PLEKHA5: variants seen among roughly 807,000 people sequenced by gnomAD.
PLEKHA5 encodes pleckstrin homology domain containing A5, also known as pleckstrin homology domain-containing family A member 5.
A neutral mutation model predicts 181.9 loss-of-function variants in PLEKHA5; 55 were observed. The observed-to-expected ratio is 0.30, with a 90% CI of 0.24 to 0.38. The LOEUF (loss-of-function observed/expected upper bound fraction) is 0.38. PLEKHA5 is among the 10% of genes least tolerant of loss of function. The probability of loss-of-function intolerance (pLI) is 1.00; values close to 1 mark genes in which losing one functional copy is unlikely to be tolerated. For synonymous variants in PLEKHA5, 535 were observed against 529.4 expected (o/e 1.01, Z -0.15); for missense variants, 1,432 against 1,549.5 (o/e 0.92, Z 1.27).
intron 3 of PLEKHA5, among the ~76,000 whole-genome samples, chr12:19,185,611 CT>C (rs2049660226): frequency 6.6e-6 from 1 of 152,146 alleles, no homozygotes; most frequent in African/African-American, 2.4e-5. Context: ...TACTCCTGAA[CT>C]TTTAAATTAA....
chr12:19,273,055 C>G (rs986062016), intron 10 of PLEKHA5, among the ~76,000 whole-genome samples: 61 of 37,130 alleles, frequency 1.6e-3, no homozygotes, highest in Non-Finnish European at 4.8e-3. Flanking sequence ...TACAGATGTC[C>G]TCCACCAAGC....
intron 3 of PLEKHA5, among the ~76,000 whole-genome samples, chr12:19,226,606 T>C (rs2059729656): frequency 6.6e-6 from 1 of 152,180 alleles, no homozygotes; most frequent in Non-Finnish European, 1.5e-5. Flanking sequence ...CCAAATTAAA[T>C]TGTGAACAAT....
At position 19,245,651 on chromosome 12, in the gene PLEKHA5, C is replaced by T. The variant is rs903348401; in HGVS notation, c.228-8289C>T. Among the ~76,000 whole-genome samples, 3 of 147,038 alleles carry T rather than the reference C, an allele frequency of 2.0e-5. No individual in the cohort carries two copies. The Admixed American group carries it at 2.1e-4, about 10-fold the overall frequency. Reference sequence around the variant, plus strand: ...GCTGAGGCAGGAGAATAGCTTGAACCCGGAGACAGAGCTTGCAGTGAGCCG... The same window carrying T: ...GCTGAGGCAGGAGAATAGCTTGAACTCGGAGACAGAGCTTGCAGTGAGCCG... On this transcript the variant is annotated intron_variant, in intron 3 of 31. Transcript: ENST00000429027.
intron 3 of PLEKHA5, among the ~76,000 whole-genome samples, chr12:19,145,873 A>G (rs1319765520): frequency 1.3e-5 from 2 of 152,212 alleles, no homozygotes; most frequent in Non-Finnish European, 2.9e-5. Flanking sequence ...CCCCGTAAGT[A>G]GAGTTCAAAA....
chr12:19,254,107 T>C lies in PLEKHA5; in HGVS notation c.311+84T>C, dbSNP rs368952435. 30 of 811,470 alleles carry C rather than the reference T, an allele frequency of 3.7e-5. 1 individual carries two copies. Among genetic ancestry groups the C allele is most frequent in the South Asian group, 3.3e-4 (21 of 64,096 alleles). 50.3% of individuals were successfully genotyped at this position (811,470 alleles called of 1,614,324 possible). ...TGTTATTTATATTTCAATTTAGCAG[T>C]TTTCTTATCTGGACATTTGTAGTCA... On this transcript the variant is annotated intron_variant, in intron 4 of 31. Coordinates refer to ENST00000429027, the MANE Select transcript of PLEKHA5 (RefSeq NM_001256470.2).
At chr12:19,222,459 G>T (rs190149168) in intron 3 of PLEKHA5, among the ~76,000 whole-genome samples, 90 of 152,084 alleles carry the variant, frequency 5.9e-4, no homozygotes, top group Non-Finnish European at 1.1e-3. Context: ...ACATGCGGAC[G>T]CCTCACACTC....
At chr12:19,307,128 A>C in intron 15 of PLEKHA5, 1 of 862,008 alleles carries the variant, frequency 1.2e-6, no homozygotes, top group South Asian at 1.3e-5. Flanking sequence ...TGAAGCATGT[A>C]GCTGCTGGTC....
At chr12:19,161,358 AT>A (rs1372962024) in intron 3 of PLEKHA5, among the ~76,000 whole-genome samples, 1 of 152,148 alleles carries the variant, frequency 6.6e-6, no homozygotes, top group Non-Finnish European at 1.5e-5. Flanking sequence ...ACTTCAGTGA[AT>A]GTCATAAAAC....
At chr12:19,363,417 T>G (rs2095324874) in intron 29 of PLEKHA5, among the ~76,000 whole-genome samples, 1 of 151,990 alleles carries the variant, frequency 6.6e-6, no homozygotes, top group Non-Finnish European at 1.5e-5. Flanking sequence ...TCAGCCCGCC[T>G]TGGCCTCCCA....
At chr12:19,167,947 A>G (rs1245276161) in intron 3 of PLEKHA5, among the ~76,000 whole-genome samples, 1 of 152,068 alleles carries the variant, frequency 6.6e-6, no homozygotes. Context: ...AGTTTCTGTT[A>G]GTTGATAATT....
intron 3 of PLEKHA5, among the ~76,000 whole-genome samples, chr12:19,244,152 T>C (rs981979100): frequency 1.3e-5 from 2 of 152,324 alleles, no homozygotes; most frequent in Non-Finnish European, 2.9e-5. Flanking sequence ...TTTTTAAACC[T>C]AATTAAGATT....
chr12:19,147,267 T>G (rs2039157785), intron 3 of PLEKHA5: 1 of 152,236 alleles, frequency 6.6e-6, no homozygotes, highest in Non-Finnish European at 1.5e-5. Context: ...ATTTCTTTTT[T>G]CTATTTAAGA....
chr12:19,358,938 G>GT (rs1190619495), intron 27 of PLEKHA5, among the ~76,000 whole-genome samples: 3 of 152,042 alleles, frequency 2.0e-5, no homozygotes, highest in African/African-American at 7.2e-5. Context: ...GTTTCTTTTT[G>GT]TTTTTTGCCC....
At chr12:19,176,083 T>C (rs1346494234) in intron 3 of PLEKHA5, among the ~76,000 whole-genome samples, 2 of 151,996 alleles carry the variant, frequency 1.3e-5, no homozygotes, top group African/African-American at 4.8e-5. Context: ...GAAGTGAATA[T>C]AACACAAATG....
chr12:19,204,886 A>C (rs2055057977), intron 3 of PLEKHA5, among the ~76,000 whole-genome samples: 1 of 152,158 alleles, frequency 6.6e-6, no homozygotes, highest in Non-Finnish European at 1.5e-5. Flanking sequence ...AAGAGATTGA[A>C]AAGTGAAATA....
intron 21 of PLEKHA5, 61 bp from the exon 22 acceptor site, chr12:19,343,262 T>A (rs2094074352): frequency 1.2e-6 from 1 of 862,488 alleles, no homozygotes; most frequent in African/African-American, 1.7e-5. Flanking sequence ...TAATATATAA[T>A]CATTTAACTT....
intron 12 of PLEKHA5, among the ~76,000 whole-genome samples, chr12:19,285,388 TCTGCTA>T (rs974055389): frequency 3.3e-5 from 5 of 152,228 alleles, no homozygotes; most frequent in Non-Finnish European, 5.9e-5. Context: ...TTCTCAACTG[TCTGCTA>T]CTGCTACTCC....
intron 3 of PLEKHA5, among the ~76,000 whole-genome samples, chr12:19,198,734 C>T (rs1034383817): frequency 8.7e-6 from 1 of 115,008 alleles, no homozygotes; most frequent in African/African-American, 3.4e-5. Context: ...ATCTGATTAA[C>T]AATATCCTTA....
At chr12:19,297,094 T>G (rs1032784044) in intron 15 of PLEKHA5, among the ~76,000 whole-genome samples, 2 of 152,014 alleles carry the variant, frequency 1.3e-5, no homozygotes, top group Non-Finnish European at 2.9e-5. Context: ...AGTATGTAGA[T>G]GGAGATGTGC....
Sources: allele counts gnomAD v4.1 joint callset (sites outside exome capture counted in the v4.1 genomes callset), GRCh38; gene constraint gnomAD v4.1.1; transcripts MANE v1.5; gene names NCBI Gene and HGNC (gene_info 2026-07-23, HGNC 2026-07-21).